ATM: variants seen among roughly 807,000 people sequenced by gnomAD.
The protein encoded by ATM is ATM serine/threonine kinase.
ATM carries 308 observed loss-of-function variants against 387.0 expected under a neutral mutation model. The ratio of observed to expected loss-of-function variants is 0.80; its 90% confidence interval spans 0.73 to 0.87. The LOEUF (loss-of-function observed/expected upper bound fraction) is 0.87. Among genes scored for constraint, ATM ranks in the 40% least tolerant of loss-of-function variants. The pLI is 0.00. For missense variants in ATM, 3,312 were observed against 3,560.9 expected, an observed-to-expected ratio of 0.93 and a Z score of 1.78; for synonymous variants, 1,156 against 1,187.3, an observed-to-expected ratio of 0.97 and a Z score of 0.54.
rs767739747 is a variant in ATM at position 108,244,819 on chromosome 11, A to G, written c.694A>G (p.Ile232Val). ...QEKSSSGLNH[I>V]LAALTIFLKT... ...AAAGAGCTCTTCAGGTCTAAATCAT[A>G]TCTTAGCAGCTCTTACTATCTTCCT... Residue 232 changes from isoleucine (I) to valine (V), a missense_variant, in exon 7 of 63, where the codon ATC becomes GTC. Ile to Val is a conservative substitution (Grantham distance 29). Around this residue, in one of 4 missense-constraint regions of ATM, gnomAD observed 1,791 missense variants for 1,804.5 expected, o/e 0.99. Coordinates refer to ENST00000675843, the MANE Select transcript of ATM (RefSeq NM_000051.4). 1 of 1,613,806 alleles carries G rather than the reference A, an allele frequency of 6.2e-7. No homozygotes were observed. Among genetic ancestry groups the G allele is most frequent in the South Asian group, 1.1e-5 (1 of 91,076 alleles).
chr11:108,357,240 C>G (rs564657062), intron 61 of ATM, among the ~76,000 whole-genome samples: 2 of 152,300 alleles, frequency 1.3e-5, no homozygotes, highest in African/African-American at 4.8e-5. Flanking sequence ...TTTGGACCGG[C>G]TTAAAAAACG....
intron 31 of ATM, among the ~76,000 whole-genome samples, chr11:108,293,894 A>AATATATAT (rs1220002313): frequency 3.6e-5 from 3 of 83,704 alleles, no homozygotes; most frequent in African/African-American, 1.3e-4. Context: ...AAAAAAAAAA[A>AATATATAT]ATATATATAT....
chr11:108,287,539 A>C, intron 26 of ATM, 61 bp from the exon 27 acceptor site: 6 of 1,091,276 alleles, frequency 5.5e-6, no homozygotes, highest in Non-Finnish European at 8.1e-6. Context: ...ATGCCTTTTG[A>C]GCTGTCTTGA....
intron 23 of ATM, among the ~76,000 whole-genome samples, chr11:108,280,650 GT>G (rs2082182697): frequency 6.6e-6 from 1 of 152,090 alleles, no homozygotes; most frequent in South Asian, 2.1e-4. Flanking sequence ...GTTATTAAAT[GT>G]TTCTGTATTT....
At chr11:108,233,332 G>A (rs2079112791) in intron 4 of ATM, among the ~76,000 whole-genome samples, 1 of 152,154 alleles carries the variant, frequency 6.6e-6, no homozygotes, top group East Asian at 1.9e-4. Context: ...TACTTTGTGA[G>A]GCCAAGGCAG....
chr11:108,285,321 CTTT>C (rs11310321), intron 26 of ATM, among the ~76,000 whole-genome samples: 12 of 144,398 alleles, frequency 8.3e-5, no homozygotes, highest in Admixed American at 2.1e-4. Flanking sequence ...ATTTTTCTCT[CTTT>C]TTTTTTTTTT....
chr11:108,353,837 G>C lies in ATM; in HGVS notation c.8743G>C (p.Val2915Leu), dbSNP rs2089510680. 1 of 1,614,052 alleles carries C rather than the reference G, an allele frequency of 6.2e-7. No individual in the cohort carries two copies. The highest frequency in any genetic ancestry group is 8.5e-7 in the Non-Finnish European group (1 of 1,179,988). Reference protein sequence around the residue: ...TVPFRLTRDIVDGMGITGVEG... With the variant: ...TVPFRLTRDILDGMGITGVEG... ...TCCTTTTAGACTCACCAGAGATATT[G>C]TGGATGGCATGGGCATTACGGGTGT... Residue 2915 changes from valine to leucine, a missense_variant, in exon 60 of 63, where the codon GTG becomes CTG. Transcript: ENST00000675843.
chr11:108,261,953 A>G (rs2080918181), intron 16 of ATM, among the ~76,000 whole-genome samples: 1 of 152,190 alleles, frequency 6.6e-6, no homozygotes, highest in African/African-American at 2.4e-5. Context: ...AAAAGAAATG[A>G]GCAAAGCCTC....
At position 108,293,469 on chromosome 11, in the gene ATM, C is replaced by T. The variant is rs35962982; in HGVS notation, c.4768C>T (p.Leu1590Phe). 205 of 1,610,480 alleles carry T rather than the reference C, an allele frequency of 1.3e-4. 1 individual carries two copies. Among genetic ancestry groups the T allele is most frequent in the Non-Finnish European group, 1.6e-4 (186 of 1,177,548 alleles). ...KIKYSRGPFS[L>F]LEEINHFLSV... ...CAAATACAGTAGAGGACCCTTTTCA[C>T]TCTTGGAGGTAATAAAAATTTCATC... is the stretch of plus-strand genomic sequence containing the variant. Residue 1590 changes from leucine to phenylalanine, a missense_variant, in exon 31 of 63, where the codon CTC (leucine) becomes TTC (phenylalanine). Around this residue, in one of 4 missense-constraint regions of ATM, gnomAD observed 1,405 missense variants for 1,604.4 expected, o/e 0.88. Coordinates refer to ENST00000675843, the MANE Select transcript of ATM (RefSeq NM_000051.4).
intron 11 of ATM, 57 bp downstream of exon 11, chr11:108,252,088 T>G: frequency 6.7e-7 from 1 of 1,484,994 alleles, no homozygotes; most frequent in East Asian, 2.3e-5. Context: ...TCAGGCTCTC[T>G]CCACTTATTT....
chr11:108,299,510 T>C, intron 33 of ATM: 1 of 468,622 alleles, frequency 2.1e-6, no homozygotes, highest in East Asian at 4.2e-5. Context: ...TTGGCCAGGC[T>C]GGTCTCGAAC....
rs1164569755 is a variant in ATM, at chr11:108,310,249, A to C, written c.5852A>C (p.His1951Pro). Reference sequence around the variant, plus strand: ...AAGGTAGCTCAGTCTTGTGCTGCTCACTTTACAGCTTTACTCTATGCAGAA... The same window carrying C: ...AAGGTAGCTCAGTCTTGTGCTGCTCCCTTTACAGCTTTACTCTATGCAGAA... ...VAKVAQSCAA[H>P]FTALLYAEIY... Residue 1951 changes from histidine (H) to proline (P), a missense_variant, in exon 39 of 63, where the codon CAC (histidine) becomes CCC (proline). Physicochemically the swap from His to Pro is moderately conservative, Grantham distance 77 (BLOSUM62 -2). This residue lies in a region of ATM where 1,405 missense variants were observed against 1,604.4 expected (regional missense o/e 0.88). Coordinates refer to ENST00000675843, the MANE Select transcript of ATM (RefSeq NM_000051.4). The C allele has an allele frequency of 1.2e-6, 2 of 1,613,430 alleles. No individual in the cohort carries two copies. Among genetic ancestry groups the C allele is most frequent in the Non-Finnish European group, 1.7e-6 (2 of 1,179,666 alleles).
chr11:108,294,531 G>A lies in ATM; in HGVS notation c.4777-396G>A, dbSNP rs140576809. ...AAGGCGGGCAGATCATCTGAGGTCA[G>A]GAGTTCGAGACCAGCCTGGCCAACA... On this transcript the variant is annotated intron_variant, in intron 31 of 62. Transcript: ENST00000675843. Among the ~76,000 whole-genome samples the A allele has an allele frequency of 3.1e-3, 470 of 152,318 alleles. 4 individuals are homozygous for A. The highest frequency in any genetic ancestry group is 0.01 in the African/African-American group (416 of 41,584).
At chr11:108,286,486 A>G (rs2082499832) in intron 26 of ATM, among the ~76,000 whole-genome samples, 1 of 152,122 alleles carries the variant, frequency 6.6e-6, no homozygotes, top group Non-Finnish European at 1.5e-5. Context: ...CTGGGGTTTA[A>G]ATACCCTTCA....
Position 108,251,085 on chromosome 11 carries a change from T to C in ATM, c.1607+13T>C, listed in dbSNP as rs1057522249. On this transcript the variant is annotated intron_variant, in intron 10 of 62. Transcript: ENST00000675843. ...GCAGACCTTCATGGTAAGTTCAGCA[T>C]GCATTATGTCTGACTTACAGATAAA... is the stretch of plus-strand genomic sequence containing the variant. 1.9e-6 allele frequency: 3 copies of C among 1,613,892 alleles called. No individual in the cohort carries two copies. The highest frequency in any genetic ancestry group is 2.5e-6 in the Non-Finnish European group (3 of 1,180,012).
At chr11:108,281,397 G>A (rs1018236084) in intron 24 of ATM, among the ~76,000 whole-genome samples, 1 of 152,144 alleles carries the variant, frequency 6.6e-6, no homozygotes, top group African/African-American at 2.4e-5. Context: ...GGCTTTCATT[G>A]TACTAACAAG....
chr11:108,255,409 A>G (rs930081655), intron 13 of ATM, among the ~76,000 whole-genome samples: 16 of 146,716 alleles, frequency 1.1e-4, no homozygotes, highest in East Asian at 2.0e-4. Context: ...GTAATTCTAT[A>G]AAATTGTCTA....
chr11:108,321,439 T>C lies in ATM; in HGVS notation c.6572+19T>C. 1 of 1,613,918 alleles carries C rather than the reference T, an allele frequency of 6.2e-7. No homozygotes were observed. On this transcript the variant is annotated intron_variant, in intron 45 of 62. Transcript: ENST00000675843. The stretch of plus-strand genomic sequence containing the variant: ...TCTCAAGGTATGTAATTCGTATGAC[T>C]TTGTTATCCTAAAGTGCAGCTTTTC...
intron 8 of ATM, 65 bp from the exon 9 acceptor site, chr11:108,248,868 A>G (rs2135287944): frequency 7.1e-7 from 1 of 1,405,656 alleles, no homozygotes; most frequent in African/African-American, 1.5e-5. Flanking sequence ...AACCTGGGCA[A>G]CAACAGCGAA....
Sources: allele counts gnomAD v4.1 joint callset (sites outside exome capture counted in the v4.1 genomes callset), GRCh38; gene constraint gnomAD v4.1.1; regional missense constraint gnomAD v4.1.1; transcripts MANE v1.5; gene names NCBI Gene and HGNC (gene_info 2026-07-23, HGNC 2026-07-21).